The following ARIH2 variants were observed in gnomAD, a reference collection of about 807,000 sequenced individuals.
ARIH2 encodes ariadne RBR E3 ubiquitin protein ligase 2, also known as E3 ubiquitin-protein ligase ARIH2.
Under a neutral mutation model 79.8 loss-of-function variants are expected in ARIH2, and 12 were observed. The ratio of observed to expected loss-of-function variants is 0.15; its 90% CI spans 0.10 to 0.24. The LOEUF is 0.24. Among genes scored for constraint, ARIH2 ranks in the 10% least tolerant of loss-of-function variants. ARIH2 has a pLI of 1.00. For synonymous variants in ARIH2, 224 were observed against 213.9 expected (o/e 1.05, Z -0.41); for missense variants, 301 against 618.3 (o/e 0.49, Z 5.44).
chr3:48,977,669 T>G (rs931091562), intron 11 of ARIH2, among the ~76,000 whole-genome samples: 27 of 152,270 alleles, frequency 1.8e-4, no homozygotes, highest in Admixed American at 3.9e-4. Flanking sequence ...TTGTTGGCCA[T>G]GCTGGTTGTG....
chr3:48,958,878 G>A lies in ARIH2; in HGVS notation c.256-2734G>A, dbSNP rs529608965. ...AAATATAAAAAAATTAGCTGGACAT[G>A]GTGTCTTGCACCTGTAGTCCCAGCT... On this transcript the variant is annotated intron_variant, in intron 3 of 15. Coordinates refer to ENST00000356401, the MANE Select transcript of ARIH2 (RefSeq NM_006321.4). Among the ~76,000 whole-genome samples, 27 of 152,142 alleles carry A rather than the reference G, an allele frequency of 1.8e-4. No individual in the cohort carries two copies. The South Asian group carries it at 5.6e-3, about 32-fold the overall frequency.
chr3:48,972,030 G>T (rs184290419), intron 8 of ARIH2, among the ~76,000 whole-genome samples: 2 of 152,204 alleles, frequency 1.3e-5, no homozygotes. Context: ...GATTTTGCAC[G>T]TTCTGGCATT....
chr3:48,926,457 A>T (rs1298489757), intron 2 of ARIH2, among the ~76,000 whole-genome samples: 2 of 151,506 alleles, frequency 1.3e-5, no homozygotes, highest in African/African-American at 4.9e-5. Flanking sequence ...TTTAGTAGAG[A>T]CAGGGTTTCA....
chr3:48,934,236 A>C (rs2086807852), intron 3 of ARIH2: 1 of 484,894 alleles, frequency 2.1e-6, no homozygotes, highest in Non-Finnish European at 2.7e-6. Flanking sequence ...TGTTCATAAC[A>C]ACAAAATACA....
Position 48,979,361 on chromosome 3 carries a change from T to C in ARIH2, c.962-121T>C, listed in dbSNP as rs1576556552. 7 of 1,027,108 alleles carry C rather than the reference T, an allele frequency of 6.8e-6. No homozygotes were observed. The East Asian group carries it at 1.8e-4, about 26-fold the overall frequency. 63.6% of individuals were successfully genotyped at this position (1,027,108 alleles called of 1,614,324 possible). On this transcript the variant is annotated intron_variant, in intron 11 of 15. Coordinates refer to ENST00000356401, the MANE Select transcript of ARIH2 (RefSeq NM_006321.4). ...ACATTCCTTCGGGAAAGAGGCACCC[T>C]TGGGAAGTTGTGTTCAGGTGACCCC...
intron 3 of ARIH2, among the ~76,000 whole-genome samples, chr3:48,950,843 C>T (rs2089848994): frequency 6.6e-6 from 1 of 151,560 alleles, no homozygotes; most frequent in South Asian, 2.1e-4. Context: ...TAAAATTCAC[C>T]CACTTAATTT....
chr3:48,970,614 T>C lies in ARIH2; in HGVS notation c.680T>C (p.Leu227Pro). 6.2e-7 allele frequency: 1 copy of C among 1,613,580 alleles called. No homozygotes were observed. The highest frequency in any genetic ancestry group is 8.5e-7 in the Non-Finnish European group (1 of 1,179,442). The change falls in exon 8 of 16, where the codon CTG (leucine) becomes CCG (proline). Residue 227 changes from leucine to proline, a missense_variant. Around this residue, in one of 2 missense-constraint regions of ARIH2, gnomAD observed 223 missense variants for 349.4 expected, o/e 0.64. Transcript: ENST00000356401. The part of the protein sequence containing the change: ...DYVESHYQLQ[L>P]CPGADCPMVI... ...TCACAGAGTCATTACCAGCTCCAGC[T>C]GTGCCCTGGTGCAGACTGCCCCATG...
At chr3:48,973,421 C>A (rs2092346742) in intron 8 of ARIH2, among the ~76,000 whole-genome samples, 1 of 151,888 alleles carries the variant, frequency 6.6e-6, no homozygotes, top group East Asian at 1.9e-4. Context: ...ACTAAAAATA[C>A]AAAAAATTAG....
chr3:48,934,946 G>A (rs2086906889), intron 3 of ARIH2: 1 of 985,176 alleles, frequency 1.0e-6, no homozygotes, highest in Non-Finnish European at 1.2e-6. Flanking sequence ...ATCAAGGGGT[G>A]ATACGGTATT....
intron 3 of ARIH2, among the ~76,000 whole-genome samples, chr3:48,953,006 T>C (rs927792596): frequency 2.0e-5 from 3 of 152,144 alleles, no homozygotes; most frequent in Non-Finnish European, 2.9e-5. Context: ...CTTGGCTCAC[T>C]GCAACCTCTG....
intron 3 of ARIH2, among the ~76,000 whole-genome samples, chr3:48,933,951 T>C (rs2086756510): frequency 6.6e-6 from 1 of 152,224 alleles, no homozygotes; most frequent in South Asian, 2.1e-4. Context: ...TATGAATTGC[T>C]GTATTAACTG....
At chr3:48,963,461 A>G (rs183165212) in intron 4 of ARIH2, among the ~76,000 whole-genome samples, 1 of 152,240 alleles carries the variant, frequency 6.6e-6, no homozygotes, top group African/African-American at 2.4e-5. Flanking sequence ...TAGATGAGAC[A>G]TAATTCTTTT....
At chr3:48,935,173 T>C (rs1377681681) in intron 3 of ARIH2, among the ~76,000 whole-genome samples, 3 of 152,266 alleles carry the variant, frequency 2.0e-5, no homozygotes, top group East Asian at 3.8e-4. Context: ...TGGGTATTTA[T>C]TGAGAACCTA....
intron 14 of ARIH2, among the ~76,000 whole-genome samples, chr3:48,982,193 AT>A (rs1412333498): frequency 2.0e-5 from 3 of 152,222 alleles, no homozygotes; most frequent in African/African-American, 7.2e-5. Flanking sequence ...AAGCATTTAC[AT>A]TGTCCAGAGA....
At chr3:48,945,484 A>C (rs2088991929) in intron 3 of ARIH2, among the ~76,000 whole-genome samples, 1 of 152,194 alleles carries the variant, frequency 6.6e-6, no homozygotes, top group South Asian at 2.1e-4. Context: ...GGTGTCAAAT[A>C]ATAACTGTTA....
At chr3:48,983,171 A>G (rs755107201) in intron 15 of ARIH2, 28 bp from the exon 16 acceptor site, 1 of 1,613,626 alleles carries the variant, frequency 6.2e-7, no homozygotes, top group Admixed American at 1.7e-5. Flanking sequence ...TGGGCCATGC[A>G]AGCACACACC....
intron 3 of ARIH2, among the ~76,000 whole-genome samples, chr3:48,948,794 T>C (rs2089564489): frequency 6.6e-6 from 1 of 152,230 alleles, no homozygotes; most frequent in South Asian, 2.1e-4. Flanking sequence ...CAATTTGAAT[T>C]ATACAATATG....
At position 48,976,211 on chromosome 3, in the gene ARIH2, CT is replaced by C. The variant is rs755997240; in HGVS notation, c.961+1248del. Among the ~76,000 whole-genome samples, 398 of 136,274 alleles carry C rather than the reference CT, an allele frequency of 2.9e-3. 6 individuals carry two copies. The East Asian group carries it at 0.038, about 13-fold the overall frequency. The allele number at this position is 136,274 out of a possible 152,430, so 89.4% of individuals were successfully genotyped here. ...ATAGGCATGAGCCACCGAGCCTGTA[CT>C]TTTTTTTTTTTTTTTCCAAAGATGG... On this transcript the variant is annotated intron_variant, in intron 11 of 15. Transcript: ENST00000356401.
In ARIH2 at chr3:48,971,028, T is replaced by C. The variant is rs372178156; in HGVS notation, c.770+324T>C. On this transcript the variant is annotated intron_variant, in intron 8 of 15. Transcript: ENST00000356401. ...CACATATTACTGTGTTTGAAAGATA[T>C]AAACTTGAACATTTTAATCTTTCTC... is the stretch of plus-strand genomic sequence containing the variant. 1.2e-4 allele frequency among the ~76,000 whole-genome samples: 18 copies of C among 152,348 alleles called. No individual in the cohort carries two copies. The East Asian group carries it at 2.9e-3, about 24-fold the overall frequency.
Sources: gnomAD v4.1 joint callset for allele counts (sites outside exome capture counted in the v4.1 genomes callset) on GRCh38, gnomAD v4.1.1 for gene constraint, gnomAD v4.1.1 regional missense constraint, MANE v1.5 for transcripts, NCBI Gene and HGNC (gene_info 2026-07-23, HGNC 2026-07-21) for gene names.